Variants in MTUS2 observed in about 807,000 individuals in gnomAD.
MTUS2 encodes the protein microtubule associated scaffold protein 2, also known as microtubule-associated tumor suppressor candidate 2.
Under a neutral mutation model 114.1 loss-of-function variants are expected in MTUS2, and 40 were observed. The observed-to-expected ratio is 0.35, with a 90% CI of 0.27 to 0.46. The LOEUF (loss-of-function observed/expected upper bound fraction) is 0.46, where lower values mean the gene tolerates loss of function less well. Among genes scored for constraint, MTUS2 ranks in the 20% least tolerant of loss-of-function variants. MTUS2 has a pLI of 1.00. For missense variants in MTUS2, 1,679 were observed against 1,705.4 expected, an observed-to-expected ratio of 0.98 and a Z score of 0.27; for synonymous variants, 688 against 672.0, an observed-to-expected ratio of 1.02 and a Z score of -0.37.
At chr13:29,075,905 T>C (rs767880536) in intron 4 of MTUS2, among the ~76,000 whole-genome samples, 1 of 152,196 alleles carries the variant, frequency 6.6e-6, no homozygotes, top group African/African-American at 2.4e-5. Flanking sequence ...CATTTAGCAA[T>C]TGGTTTATAT....
At chr13:29,412,396 A>C (rs577079105) in intron 8 of MTUS2, among the ~76,000 whole-genome samples, 2 of 152,228 alleles carry the variant, frequency 1.3e-5, no homozygotes, top group East Asian at 3.9e-4. Flanking sequence ...TATGGAACCA[A>C]CCTTAAATTA....
At chr13:29,176,769 G>C (rs1268419117) in intron 5 of MTUS2, among the ~76,000 whole-genome samples, 2 of 145,228 alleles carry the variant, frequency 1.4e-5, no homozygotes, top group Non-Finnish European at 2.9e-5. Flanking sequence ...TATGAATTTG[G>C]GGGCACCCCA....
chr13:29,434,530 C>T lies in MTUS2; in HGVS notation c.3118-5453C>T, dbSNP rs575170851. 4.6e-5 allele frequency among the ~76,000 whole-genome samples: 7 copies of T among 152,278 alleles called. No homozygotes were observed. In the South Asian group the frequency reaches 1.2e-3, roughly 27 times the overall value. On this transcript the variant is annotated intron_variant, in intron 8 of 15. Transcript: ENST00000612955. The stretch of plus-strand genomic sequence containing the variant: ...GTATGTGTTATTTGGTATACATTTC[C>T]TATTTCTGGATGAACTGGGGTGAAA...
chr13:29,460,732 A>G (rs531868017), intron 9 of MTUS2, among the ~76,000 whole-genome samples: 68 of 152,180 alleles, frequency 4.5e-4, no homozygotes, highest in Non-Finnish European at 8.2e-4. Context: ...AGATGCAGAC[A>G]CACAAGGCCC....
intron 2 of MTUS2, among the ~76,000 whole-genome samples, chr13:28,917,475 T>C (rs1396981130): frequency 6.6e-6 from 1 of 151,828 alleles, no homozygotes; most frequent in Non-Finnish European, 1.5e-5. Context: ...GATTTCTTCA[T>C]GGTTAAATCT....
chr13:29,091,662 A>G (rs1307508484), intron 4 of MTUS2, among the ~76,000 whole-genome samples: 3 of 152,332 alleles, frequency 2.0e-5, no homozygotes, highest in South Asian at 2.1e-4. Flanking sequence ...TGAGCCTAGC[A>G]TAAGTCACAA....
chr13:29,499,302 C>T lies in MTUS2; in HGVS notation c.3798+765C>T, dbSNP rs181789730. 2.0e-4 allele frequency among the ~76,000 whole-genome samples: 31 copies of T among 152,312 alleles called. No individual in the cohort carries two copies. The East Asian group carries it at 5.8e-3, about 28-fold the overall frequency. ...GGATTTCACCCTCTACCCTGGGGCA[C>T]AAGCCCCCAGCCAGGGCTAGAGTCC... On this transcript the variant is annotated intron_variant, in intron 14 of 15. Transcript: ENST00000612955.
Position 29,281,974 on chromosome 13 carries a change from ATTAAATGATAG to A in MTUS2, c.2806+113_2806+123del, listed in dbSNP as rs1898292085. 3.3e-6 allele frequency: 4 copies of A among 1,226,098 alleles called. No individual in the cohort carries two copies. The African/African-American group carries it at 6.1e-5, about 19-fold the overall frequency. The allele number at this position is 1,226,098 out of a possible 1,614,324, so 76.0% of individuals were successfully genotyped here. A position where few individuals can be genotyped will look rare whatever the true frequency, so the allele number is the denominator to read the frequency against. On this transcript the variant is annotated intron_variant, in intron 6 of 15. Transcript: ENST00000612955. ...ATCAGTTATTTAGAAGGGATGATTG[ATTAAATGATAG>A]TTAGTAACAATAATACCACTGCTTT...
chr13:29,277,308 CT>C (rs1193965979), intron 5 of MTUS2, among the ~76,000 whole-genome samples: 18 of 152,162 alleles, frequency 1.2e-4, no homozygotes, highest in African/African-American at 4.3e-4. Flanking sequence ...TCTGTGCTTC[CT>C]TTTCTTTCAG....
At chr13:28,882,024 C>T (rs1310306510) in intron 2 of MTUS2, among the ~76,000 whole-genome samples, 2 of 152,156 alleles carry the variant, frequency 1.3e-5, no homozygotes, top group Non-Finnish European at 2.9e-5. Context: ...AACATTGAGT[C>T]TTCAATCCTT....
At chr13:29,255,366 C>G (rs1169066314) in intron 5 of MTUS2, among the ~76,000 whole-genome samples, 3 of 152,190 alleles carry the variant, frequency 2.0e-5, no homozygotes, top group Non-Finnish European at 4.4e-5. Context: ...CCCCTCCGGT[C>G]CATCTGTCAT....
At chr13:28,870,731 T>C (rs1360205069) in intron 2 of MTUS2, among the ~76,000 whole-genome samples, 2 of 152,154 alleles carry the variant, frequency 1.3e-5, no homozygotes, top group East Asian at 3.8e-4. Context: ...TATAATTTGT[T>C]TAAGTATGGG....
intron 9 of MTUS2, among the ~76,000 whole-genome samples, chr13:29,444,977 T>A (rs1350925055): frequency 1.3e-5 from 2 of 152,302 alleles, no homozygotes; most frequent in East Asian, 3.9e-4. Context: ...TTTGGGGAGC[T>A]AAGCATGGAA....
intron 2 of MTUS2, among the ~76,000 whole-genome samples, chr13:29,010,664 C>T (rs1433373846): frequency 6.6e-6 from 1 of 152,066 alleles, no homozygotes; most frequent in African/African-American, 2.4e-5. Flanking sequence ...TTCCTATTTA[C>T]TTGCTCTATC....
chr13:28,841,001 C>T (rs1186675872), intron 2 of MTUS2, among the ~76,000 whole-genome samples: 1 of 152,200 alleles, frequency 6.6e-6, no homozygotes, highest in Admixed American at 6.5e-5. Flanking sequence ...ATTCGCCCTA[C>T]TTTAATCATG....
At chr13:29,068,788 G>A (rs1472864388) in intron 4 of MTUS2, among the ~76,000 whole-genome samples, 1 of 152,210 alleles carries the variant, frequency 6.6e-6, no homozygotes, top group Non-Finnish European at 1.5e-5. Context: ...AGATTGTAGA[G>A]TGTCAGGGGA....
intron 2 of MTUS2, among the ~76,000 whole-genome samples, chr13:28,876,048 C>T (rs1040642803): frequency 1.3e-5 from 2 of 152,236 alleles, no homozygotes; most frequent in African/African-American, 4.8e-5. Flanking sequence ...AAACATGACT[C>T]TCTGAGGAGG....
chr13:29,131,601 G>C, intron 5 of MTUS2, among the ~76,000 whole-genome samples: 1 of 152,250 alleles, frequency 6.6e-6, no homozygotes, highest in Middle Eastern at 3.2e-3. Context: ...TGAGACATCT[G>C]TAGGTCAGCA....
intron 8 of MTUS2, among the ~76,000 whole-genome samples, chr13:29,372,830 C>T (rs1021755303): frequency 6.6e-6 from 1 of 152,164 alleles, no homozygotes; most frequent in Non-Finnish European, 1.5e-5. Context: ...CGAAAGATCT[C>T]AGTTGAGTTC....
Sources: allele counts gnomAD v4.1 joint callset (sites outside exome capture counted in the v4.1 genomes callset), GRCh38; gene constraint gnomAD v4.1.1; transcripts MANE v1.5; gene names NCBI Gene and HGNC (gene_info 2026-07-23, HGNC 2026-07-21).